Variants in DNASE1 observed in about 807,000 individuals in gnomAD.
DNASE1 encodes the protein deoxyribonuclease 1.
In DNASE1, 40 loss-of-function variants were observed where a neutral mutation model predicts 33.9. That is an observed-to-expected ratio of 1.18 (90% CI 0.92 to 1.54). The LOEUF (loss-of-function observed/expected upper bound fraction) is 1.54. Ranked by LOEUF, DNASE1 falls within the 40% of genes most tolerant of loss-of-function variation. DNASE1 has a pLI of 0.00. For missense variants in DNASE1, 518 were observed against 372.6 expected, an observed-to-expected ratio of 1.39 and a Z score of -3.21; for synonymous variants, 216 against 160.0, an observed-to-expected ratio of 1.35 and a Z score of -2.64.
downstream of DNASE1, chr16:3,658,916 C>T: frequency 6.3e-7 from 1 of 1,578,198 alleles, no homozygotes; most frequent in Non-Finnish European, 8.7e-7. Flanking sequence ...CGTGCTGTGA[C>T]CCTCCCTTCA....
chr16:3,615,523 C>T (rs776506346), intron 1 of DNASE1, among the ~76,000 whole-genome samples: 7 of 152,076 alleles, frequency 4.6e-5, no homozygotes, highest in Middle Eastern at 3.2e-3. Flanking sequence ...TTGTGTGTTC[C>T]CTGTCAGCAT....
chr16:3,624,281 A>G (rs1329820168), intron 1 of DNASE1, among the ~76,000 whole-genome samples: 3 of 152,100 alleles, frequency 2.0e-5, no homozygotes, highest in African/African-American at 4.8e-5. Context: ...AAAAAAAAAA[A>G]AAAGGTTAGT....
chr16:3,617,201 C>T (rs1252044527), intron 1 of DNASE1, among the ~76,000 whole-genome samples: 2 of 151,448 alleles, frequency 1.3e-5, no homozygotes, highest in Non-Finnish European at 2.9e-5. Context: ...TGGTGTGCGC[C>T]CGTAATCCCA....
downstream of DNASE1, chr16:3,661,392 G>C (rs1289836043): frequency 6.6e-6 from 1 of 152,028 alleles, no homozygotes; most frequent in African/African-American, 2.4e-5. Flanking sequence ...GGGGGTTCTC[G>C]GTGCACCCTG....
At chr16:3,627,126 T>C (rs944554567) in intron 1 of DNASE1, among the ~76,000 whole-genome samples, 4 of 152,092 alleles carry the variant, frequency 2.6e-5, no homozygotes, top group Non-Finnish European at 5.9e-5. Flanking sequence ...TCCTCCCATG[T>C]TGGCCAAGTG....
upstream of DNASE1, chr16:3,651,165 A>G (rs1337471166): frequency 1.3e-5 from 2 of 152,172 alleles, no homozygotes; most frequent in Non-Finnish European, 2.9e-5. Context: ...CACGGCCACC[A>G]GCGTTCCTTT....
chr16:3,658,420 A>C (rs2042851403), downstream of DNASE1: 1 of 604,052 alleles, frequency 1.7e-6, no homozygotes, highest in Non-Finnish European at 2.9e-6. Context: ...ACGCCTGGCC[A>C]TTTTTCCGTT....
At chr16:3,641,537 A>G (rs2151191962), upstream of DNASE1, among the ~76,000 whole-genome samples, 1 of 152,256 alleles carries the variant, frequency 6.6e-6, no homozygotes, top group East Asian at 1.9e-4. Flanking sequence ...TCTGTCCTGG[A>G]GGCCATCCCT....
intron 1 of DNASE1, among the ~76,000 whole-genome samples, chr16:3,631,405 A>AT (rs1329013258): frequency 6.6e-6 from 1 of 152,124 alleles, no homozygotes; most frequent in Non-Finnish European, 1.5e-5. Context: ...GGGTTTCACC[A>AT]TATTGGTCAG....
intron 1 of DNASE1, among the ~76,000 whole-genome samples, chr16:3,619,438 T>A (rs747939536): frequency 6.6e-6 from 1 of 152,086 alleles, no homozygotes; most frequent in Non-Finnish European, 1.5e-5. Flanking sequence ...CTCAGCTTAC[T>A]GCAAGCTCTG....
chr16:3,658,724 C>T (rs2042877109), downstream of DNASE1: 3 of 1,454,444 alleles, frequency 2.1e-6, no homozygotes, highest in African/African-American at 2.8e-5. Context: ...ACCGCTGTTC[C>T]ACCCTGAAGG....
chr16:3,628,508 T>C (rs1306126619), intron 1 of DNASE1, among the ~76,000 whole-genome samples: 2 of 152,162 alleles, frequency 1.3e-5, no homozygotes, highest in African/African-American at 4.8e-5. Context: ...GAAAATTTTT[T>C]AGTCATTCAC....
chr16:3,634,164 C>G (rs952809473), intron 1 of DNASE1, among the ~76,000 whole-genome samples: 1 of 151,932 alleles, frequency 6.6e-6, no homozygotes, highest in African/African-American at 2.4e-5. Flanking sequence ...TGATTATTGA[C>G]CCAATCATTG....
At chr16:3,626,439 C>G (rs2041513456) in intron 1 of DNASE1, among the ~76,000 whole-genome samples, 2 of 152,048 alleles carry the variant, frequency 1.3e-5, no homozygotes, top group South Asian at 4.2e-4. Flanking sequence ...TTGGAGAGTT[C>G]CCTCATTTTT....
intron 1 of DNASE1, among the ~76,000 whole-genome samples, chr16:3,623,436 C>A (rs34714450): frequency 4.6e-5 from 7 of 152,212 alleles, no homozygotes; most frequent in Admixed American, 3.9e-4. Context: ...GAATATATGA[C>A]TAAGACCTCA....
At chr16:3,662,004 C>T (rs79866444), downstream of DNASE1, 106 of 1,608,834 alleles carry the variant, frequency 6.6e-5, 1 homozygote, top group South Asian at 3.0e-4. Flanking sequence ...TGATCTCCAG[C>T]GTGGGCTGCA....
In DNASE1 at chr16:3,617,553, A is replaced by G. The variant is rs560166983; in HGVS notation, c.-1359+5547A>G. Among the ~76,000 whole-genome samples the G allele has an allele frequency of 3.3e-5, 5 of 152,314 alleles. No homozygotes were observed. In the East Asian group the frequency reaches 9.6e-4, roughly 29 times the overall value. ...TTTGTTAATCATATACCTGATAAGAATCTATGCTGCTGTCTAAATGTTTAT... is the reference window on the plus strand; with the variant it reads ...TTTGTTAATCATATACCTGATAAGAGTCTATGCTGCTGTCTAAATGTTTAT... On this transcript the variant is annotated intron_variant and NMD_transcript_variant, in intron 1 of 11. Transcript: ENST00000570769.
At chr16:3,619,535 G>A (rs1447593849) in intron 1 of DNASE1, among the ~76,000 whole-genome samples, 1 of 149,620 alleles carries the variant, frequency 6.7e-6, no homozygotes, top group Admixed American at 6.7e-5. Flanking sequence ...CTCCATTTTT[G>A]TATTTTTAGT....
intron 1 of DNASE1, among the ~76,000 whole-genome samples, chr16:3,612,629 C>G (rs1057019641): frequency 6.8e-6 from 1 of 147,350 alleles, no homozygotes; most frequent in African/African-American, 2.5e-5. Context: ...AGGCTGGTCT[C>G]GAGCCCTGGC....
Sources: allele counts gnomAD v4.1 joint callset (sites outside exome capture counted in the v4.1 genomes callset), GRCh38; gene constraint gnomAD v4.1.1; transcripts MANE v1.5; gene names NCBI Gene and HGNC (gene_info 2026-07-23, HGNC 2026-07-21).